CDADC1: variants seen among roughly 807,000 people sequenced by gnomAD.
CDADC1 encodes dCTP deaminase.
A neutral mutation model predicts 54.9 loss-of-function variants in CDADC1; 39 were observed. The observed-to-expected ratio is 0.71, with a 90% CI of 0.55 to 0.93. The LOEUF (loss-of-function observed/expected upper bound fraction) is 0.93, where lower values mean the gene tolerates loss of function less well. Among genes scored for constraint, CDADC1 ranks in the 40% least tolerant of loss-of-function variants. The pLI is 0.00. For missense variants in CDADC1, 518 were observed against 618.8 expected (o/e 0.84, Z 1.73); for synonymous variants, 186 against 204.0 (o/e 0.91, Z 0.75).
chr13:49,253,541 C>T (rs1214724912), intron 2 of CDADC1, among the ~76,000 whole-genome samples: 2 of 152,184 alleles, frequency 1.3e-5, no homozygotes, highest in East Asian at 3.8e-4. Context: ...GGTAACTCTA[C>T]CTCTCTGTGT....
intron 2 of CDADC1, among the ~76,000 whole-genome samples, chr13:49,250,052 T>C (rs768339777): frequency 1.2e-4 from 19 of 152,214 alleles, no homozygotes; most frequent in Non-Finnish European, 2.4e-4. Flanking sequence ...AAATTACACA[T>C]GGCTTCTCAC....
chr13:49,266,899 C>T (rs1952828551), intron 4 of CDADC1, among the ~76,000 whole-genome samples: 1 of 152,028 alleles, frequency 6.6e-6, no homozygotes, highest in South Asian at 2.1e-4. Flanking sequence ...TAGTTGTTCC[C>T]TGTAAGATTT....
At chr13:49,256,303 G>A (rs772585205) in intron 3 of CDADC1, among the ~76,000 whole-genome samples, 3 of 152,182 alleles carry the variant, frequency 2.0e-5, no homozygotes, top group Non-Finnish European at 4.4e-5. Context: ...CCTGAAGGTT[G>A]AGGTAATATC....
intron 9 of CDADC1, among the ~76,000 whole-genome samples, chr13:49,288,061 G>C (rs556174812): frequency 1.3e-5 from 2 of 151,770 alleles, no homozygotes; most frequent in Admixed American, 1.3e-4. Context: ...AATCAACAAA[G>C]GGCTTGTATC....
intron 2 of CDADC1, among the ~76,000 whole-genome samples, chr13:49,253,406 C>T (rs1005374702): frequency 2.6e-5 from 4 of 152,154 alleles, no homozygotes; most frequent in Non-Finnish European, 5.9e-5. Context: ...AATACTTATG[C>T]TGTAATGCTA....
chr13:49,263,972 A>C (rs2138212522), intron 4 of CDADC1, among the ~76,000 whole-genome samples: 1 of 152,372 alleles, frequency 6.6e-6, no homozygotes, highest in East Asian at 1.9e-4. Flanking sequence ...CTTCATTCAC[A>C]TGTTTACCAC....
chr13:49,265,951 A>G lies in CDADC1; in HGVS notation c.431-1539A>G, dbSNP rs1183088330. 57 of 1,301,912 alleles carry G rather than the reference A, an allele frequency of 4.4e-5. No individual in the cohort carries two copies. In the Admixed American group the frequency reaches 1.3e-3, roughly 29 times the overall value. The allele number at this position is 1,301,912 out of a possible 1,614,324, so 80.6% of individuals were successfully genotyped here. Reference sequence around the variant, plus strand: ...TGCTGGTTAGGAAATGGATTATGAGAACTCGAACAGAGGGAAGGTGAAATG... The same window carrying G: ...TGCTGGTTAGGAAATGGATTATGAGGACTCGAACAGAGGGAAGGTGAAATG... On this transcript the variant is annotated intron_variant, in intron 4 of 9. Transcript: ENST00000251108.
intron 2 of CDADC1, among the ~76,000 whole-genome samples, chr13:49,252,032 A>G (rs772790320): frequency 1.3e-5 from 2 of 152,250 alleles, no homozygotes; most frequent in African/African-American, 2.4e-5. Flanking sequence ...ATGGAAAGTT[A>G]TAACACATAG....
chr13:49,259,014 T>TAC (rs1952610405), intron 3 of CDADC1, among the ~76,000 whole-genome samples: 1 of 152,250 alleles, frequency 6.6e-6, no homozygotes, highest in South Asian at 2.1e-4. Context: ...TAAATGGTAC[T>TAC]ACACTTAATC....
chr13:49,290,505 C>T (rs538638562), intron 9 of CDADC1, among the ~76,000 whole-genome samples: 2 of 152,052 alleles, frequency 1.3e-5, no homozygotes, highest in Non-Finnish European at 2.9e-5. Context: ...CTCTGGAAGG[C>T]AAGTCTGAGC....
intron 4 of CDADC1, among the ~76,000 whole-genome samples, chr13:49,260,799 C>T (rs911072637): frequency 8.4e-4 from 128 of 152,234 alleles, no homozygotes; most frequent in African/African-American, 2.9e-3. Context: ...GCCAAAATAA[C>T]AATTTAATAT....
At position 49,274,274 on chromosome 13, in the gene CDADC1, T is replaced by C. The variant is rs1233315554; in HGVS notation, c.1001-17T>C. ...ATATCATAATTTTTACTGAGTTAAA[T>C]GCCATATATCTTTCAGAGGATCATA... is the stretch of plus-strand genomic sequence containing the variant. On this transcript the variant is annotated splice_polypyrimidine_tract_variant and intron_variant, in intron 5 of 9. Coordinates refer to ENST00000251108, the MANE Select transcript of CDADC1 (RefSeq NM_030911.4). 7.5e-6 allele frequency: 12 copies of C among 1,591,532 alleles called. No individual in the cohort carries two copies. The highest frequency in any genetic ancestry group is 1.3e-5 in the African/African-American group (1 of 74,118).
chr13:49,286,280 AAAGT>A lies in CDADC1; in HGVS notation c.1471+4_1471+7del, dbSNP rs778532704. On this transcript the variant is annotated splice_donor_variant and coding_sequence_variant, in exon 9 of 10. Coordinates refer to ENST00000251108, the MANE Select transcript of CDADC1 (RefSeq NM_030911.4). LOFTEE classifies it high-confidence loss of function. Reference sequence around the variant, plus strand: ...GAACAAAATGAGCCTGAAAGGAGAGAAAGTAAGTATTTATGTATTGAGGTGAACT... The same window carrying A: ...GAACAAAATGAGCCTGAAAGGAGAGAAAGTATTTATGTATTGAGGTGAACT... 5 of 1,610,658 alleles carry A rather than the reference AAAGT, an allele frequency of 3.1e-6. No individual in the cohort carries two copies. Among genetic ancestry groups the A allele is most frequent in the Non-Finnish European group, 4.2e-6 (5 of 1,176,876 alleles).
chr13:49,278,907 G>GGACT (rs1431483767), intron 7 of CDADC1, among the ~76,000 whole-genome samples: 1 of 152,152 alleles, frequency 6.6e-6, no homozygotes, highest in Non-Finnish European at 1.5e-5. Context: ...GAGCAACGAT[G>GGACT]GACTACATGC....
chr13:49,278,739 C>G (rs1353494598), intron 7 of CDADC1, among the ~76,000 whole-genome samples: 1 of 152,144 alleles, frequency 6.6e-6, no homozygotes, highest in Non-Finnish European at 1.5e-5. Context: ...TTGAGCATGT[C>G]TTTTTTTCCC....
At chr13:49,262,796 G>A (rs565978380) in intron 4 of CDADC1, among the ~76,000 whole-genome samples, 3 of 152,210 alleles carry the variant, frequency 2.0e-5, no homozygotes, top group Non-Finnish European at 4.4e-5. Context: ...CGAAAGTGCT[G>A]GGATTACAGG....
rs1392343023 is a variant in CDADC1, at chr13:49,265,764, A to G, written c.431-1726A>G. On this transcript the variant is annotated intron_variant, in intron 4 of 9. Transcript: ENST00000251108. ...TAAAAGCTTTTTGGAGTCCTCAATA[A>G]TTTTTAAGAGTGTTAAGGAATCCTG... 4 of 851,420 alleles carry G rather than the reference A, an allele frequency of 4.7e-6. 1 individual carries two copies. The East Asian group carries it at 3.2e-4, about 68-fold the overall frequency. The allele number at this position is 851,420 out of a possible 1,614,324, so 52.7% of individuals were successfully genotyped here.
chr13:49,255,945 C>T (rs1169170052), intron 3 of CDADC1, 32 bp downstream of exon 3: 2 of 1,594,562 alleles, frequency 1.3e-6, no homozygotes, highest in Admixed American at 1.8e-5. Context: ...TATATATGCT[C>T]ATAATAACAA....
At chr13:49,275,718 TATATATATAGAGAGAGAGAGAGAGAGAG>T (rs71076074) in intron 6 of CDADC1, among the ~76,000 whole-genome samples, 111 of 38,756 alleles carry the variant, frequency 2.9e-3, no homozygotes, top group Non-Finnish European at 3.6e-3. Flanking sequence ...TATATATATA[TATATATATAGAGAGAGAGAGAGAGAGAG>T]AGAGAGAGAG....
Sources: allele counts gnomAD v4.1 joint callset (sites outside exome capture counted in the v4.1 genomes callset), GRCh38; gene constraint gnomAD v4.1.1; transcripts MANE v1.5; gene names NCBI Gene and HGNC (gene_info 2026-07-23, HGNC 2026-07-21).